NPAS3: variants seen among roughly 807,000 people sequenced by gnomAD.
NPAS3 encodes the protein neuronal PAS domain-containing protein 3.
In NPAS3, 14 loss-of-function variants were observed where a neutral mutation model predicts 73.1. The observed-to-expected ratio is 0.19, with a 90% confidence interval of 0.13 to 0.30. NPAS3 has a LOEUF of 0.30. Among genes scored for constraint, NPAS3 ranks in the 10% least tolerant of loss-of-function variants. The probability of loss-of-function intolerance (pLI) is 1.00; values close to 1 mark genes in which losing one functional copy is unlikely to be tolerated. For synonymous variants in NPAS3, 620 were observed against 541.5 expected (o/e 1.14, Z -2.01); for missense variants, 1,096 against 1,250.0 (o/e 0.88, Z 1.86).
At chr14:33,775,607 A>G (rs1401038667) in intron 8 of NPAS3, among the ~76,000 whole-genome samples, 1 of 152,200 alleles carries the variant, frequency 6.6e-6, no homozygotes, top group East Asian at 1.9e-4. Context: ...TCACCCTGGG[A>G]AAAGATAACC....
rs115804251 is a variant in NPAS3 at position 33,448,147 on chromosome 14, A to G, written c.468+80879A>G. On this transcript the variant is annotated intron_variant, in intron 4 of 11. Transcript: ENST00000356141. ...AAAATTTGAAGTGCTTTTAAGACAT[A>G]TGTTAAAGATGGGACTGATTAGGGT... Among the ~76,000 whole-genome samples the G allele has an allele frequency of 2.0e-3, 304 of 152,342 alleles. 1 individual carries two copies. Among genetic ancestry groups the G allele is most frequent in the African/African-American group, 6.9e-3 (285 of 41,580 alleles).
chr14:33,664,435 A>G (rs1184495708), intron 5 of NPAS3, among the ~76,000 whole-genome samples: 1 of 152,204 alleles, frequency 6.6e-6, no homozygotes, highest in South Asian at 2.1e-4. Context: ...AACCAAGGCA[A>G]TACCATTCAG....
intron 7 of NPAS3, among the ~76,000 whole-genome samples, chr14:33,756,318 G>A (rs368511498): frequency 5.9e-5 from 9 of 152,250 alleles, no homozygotes; most frequent in African/African-American, 2.2e-4. Flanking sequence ...AATCCCAGTT[G>A]GGTGGATTCT....
intron 2 of NPAS3, among the ~76,000 whole-genome samples, chr14:33,106,782 A>G (rs1390723859): frequency 6.6e-6 from 1 of 152,182 alleles, no homozygotes; most frequent in Non-Finnish European, 1.5e-5. Context: ...GTCTTGGTTC[A>G]TACTATAAAT....
chr14:33,314,052 G>A (rs373967465), intron 3 of NPAS3, among the ~76,000 whole-genome samples: 9 of 151,828 alleles, frequency 5.9e-5, no homozygotes, highest in African/African-American at 1.9e-4. Context: ...TTTTCTTTGG[G>A]TTTCAAGATA....
chr14:33,642,830 G>A (rs1056711615), intron 5 of NPAS3, among the ~76,000 whole-genome samples: 4 of 152,136 alleles, frequency 2.6e-5, no homozygotes, highest in Admixed American at 6.5e-5. Flanking sequence ...TGGCCGGGAT[G>A]GATGGAGAAA....
At chr14:33,458,325 A>G (rs1036136983) in intron 4 of NPAS3, among the ~76,000 whole-genome samples, 2 of 152,232 alleles carry the variant, frequency 1.3e-5, no homozygotes, top group Non-Finnish European at 1.5e-5. Context: ...TTCATGTCAC[A>G]ATCTAGGCTG....
intron 3 of NPAS3, among the ~76,000 whole-genome samples, chr14:33,351,762 G>A (rs1373255572): frequency 2.0e-5 from 3 of 152,110 alleles, no homozygotes; most frequent in South Asian, 2.1e-4. Context: ...TATTATTCCA[G>A]TTTTGAACAA....
At chr14:32,958,153 C>G (rs2036758783) in intron 1 of NPAS3, among the ~76,000 whole-genome samples, 1 of 150,218 alleles carries the variant, frequency 6.7e-6, no homozygotes, top group African/African-American at 2.5e-5. Flanking sequence ...TTTATAAAAG[C>G]CTGTGACCCC....
At chr14:33,472,861 A>T (rs1376877857) in intron 4 of NPAS3, among the ~76,000 whole-genome samples, 1 of 150,882 alleles carries the variant, frequency 6.6e-6, no homozygotes, top group Admixed American at 6.6e-5. Flanking sequence ...TGATATGATT[A>T]TATTATTTTA....
chr14:33,151,428 C>T (rs191663840), intron 2 of NPAS3, among the ~76,000 whole-genome samples: 47 of 152,322 alleles, frequency 3.1e-4, no homozygotes, highest in African/African-American at 9.6e-4. Context: ...CCACTTGGTT[C>T]CCTGTTTTGG....
At chr14:33,229,507 C>T (rs1457579974) in intron 3 of NPAS3, among the ~76,000 whole-genome samples, 1 of 152,170 alleles carries the variant, frequency 6.6e-6, no homozygotes, top group African/African-American at 2.4e-5. Flanking sequence ...TCACATGCAT[C>T]TCACTTAAAG....
At chr14:33,274,326 T>C (rs974547797) in intron 3 of NPAS3, among the ~76,000 whole-genome samples, 5 of 152,212 alleles carry the variant, frequency 3.3e-5, no homozygotes, top group African/African-American at 1.2e-4. Context: ...AGCATTAGGC[T>C]AAATTGAATT....
intron 1 of NPAS3, among the ~76,000 whole-genome samples, chr14:33,011,622 G>C (rs909762434): frequency 6.6e-6 from 1 of 152,074 alleles, no homozygotes; most frequent in African/African-American, 2.4e-5. Flanking sequence ...AGGACCTGCT[G>C]TAATTCATAA....
intron 7 of NPAS3, among the ~76,000 whole-genome samples, chr14:33,766,939 GT>G (rs2062482050): frequency 1.3e-5 from 2 of 152,134 alleles, no homozygotes; most frequent in Non-Finnish European, 2.9e-5. Flanking sequence ...AAAGCCTATA[GT>G]TTTAGTTGTA....
chr14:33,334,217 A>G lies in NPAS3; in HGVS notation c.386-32969A>G, dbSNP rs1213842954. 4.6e-5 allele frequency among the ~76,000 whole-genome samples: 7 copies of G among 152,050 alleles called. No homozygotes were observed. The East Asian group carries it at 1.2e-3, about 25-fold the overall frequency. ...TATGACCTCTTTTTTCACTTTTAAGAGCTTTGTTGAAGTATATTTTATATA... is the reference window on the plus strand; with the variant it reads ...TATGACCTCTTTTTTCACTTTTAAGGGCTTTGTTGAAGTATATTTTATATA... On this transcript the variant is annotated intron_variant, in intron 3 of 11. Coordinates refer to ENST00000356141, the Ensembl canonical transcript of NPAS3.
At chr14:33,414,344 C>A (rs1464000519) in intron 4 of NPAS3, among the ~76,000 whole-genome samples, 1 of 151,856 alleles carries the variant, frequency 6.6e-6, no homozygotes, top group Non-Finnish European at 1.5e-5. Flanking sequence ...TTATTTTTTT[C>A]TTTTTCTTAT....
chr14:33,221,282 G>C (rs1255936374), intron 3 of NPAS3, among the ~76,000 whole-genome samples: 3 of 152,202 alleles, frequency 2.0e-5, no homozygotes, highest in Non-Finnish European at 4.4e-5. Context: ...TTAGGTCAGA[G>C]CAGATCACGT....
intron 4 of NPAS3, among the ~76,000 whole-genome samples, chr14:33,488,400 G>A (rs561634626): frequency 2.0e-4 from 31 of 152,058 alleles, no homozygotes; most frequent in Admixed American, 7.9e-4. Flanking sequence ...GTGCTTTTAC[G>A]CAGCCCCGTG....
Sources: gnomAD v4.1 joint callset for allele counts (sites outside exome capture counted in the v4.1 genomes callset) on GRCh38, gnomAD v4.1.1 for gene constraint, MANE v1.5 for transcripts, NCBI Gene and HGNC (gene_info 2026-07-23, HGNC 2026-07-21) for gene names.